Variants in PPM1L observed in about 807,000 individuals in gnomAD.
The protein encoded by PPM1L is protein phosphatase 1L.
A neutral mutation model predicts 31.4 loss-of-function variants in PPM1L; 13 were observed. That is an observed-to-expected ratio of 0.41 (90% CI 0.27 to 0.66). PPM1L has a LOEUF of 0.66. Among genes scored for constraint, PPM1L ranks in the 30% least tolerant of loss-of-function variants. The pLI is 0.29. For missense variants in PPM1L, 326 were observed against 453.7 expected (o/e 0.72, Z 2.56); for synonymous variants, 184 against 175.4 (o/e 1.05, Z -0.39).
At chr3:160,915,226 C>G in intron 1 of PPM1L, among the ~76,000 whole-genome samples, 1 of 152,104 alleles carries the variant, frequency 6.6e-6, no homozygotes, top group Non-Finnish European at 1.5e-5. Context: ...GATACAAAAT[C>G]AATGTGCAAA....
intron 2 of PPM1L, among the ~76,000 whole-genome samples, chr3:161,048,411 A>C (rs1285455655): frequency 6.6e-6 from 1 of 152,244 alleles, no homozygotes; most frequent in Non-Finnish European, 1.5e-5. Flanking sequence ...AATGGCAATC[A>C]TTAAAAAGTC....
intron 1 of PPM1L, among the ~76,000 whole-genome samples, chr3:160,781,684 A>G (rs1711752187): frequency 6.6e-6 from 1 of 152,232 alleles, no homozygotes; most frequent in Non-Finnish European, 1.5e-5. Flanking sequence ...AATGGACTAC[A>G]GTGTGTTTAC....
intron 1 of PPM1L, among the ~76,000 whole-genome samples, chr3:160,820,349 AT>A (rs1214612607): frequency 6.6e-6 from 1 of 152,132 alleles, no homozygotes; most frequent in Admixed American, 6.6e-5. Flanking sequence ...TTTATTTCAG[AT>A]TTAAAATTTT....
intron 1 of PPM1L, among the ~76,000 whole-genome samples, chr3:160,767,962 C>T (rs1715148968): frequency 6.6e-6 from 1 of 152,092 alleles, no homozygotes; most frequent in South Asian, 2.1e-4. Context: ...AAATAAGTCT[C>T]TTAATGACAC....
intron 1 of PPM1L, among the ~76,000 whole-genome samples, chr3:160,795,850 T>A (rs1712232605): frequency 6.6e-6 from 1 of 152,220 alleles, no homozygotes; most frequent in Admixed American, 6.5e-5. Context: ...TCGTGAAGCC[T>A]CACAGGGCTC....
rs190257135 is a variant in PPM1L at position 160,963,900 on chromosome 3, A to T, written c.574+1990A>T. ...CTGTAGCATGAAACAGTAGAAATAA[A>T]CACAAGATTGAGAGTTAGAGGATCT... On this transcript the variant is annotated intron_variant, in intron 2 of 3. Coordinates refer to ENST00000498165, the MANE Select transcript of PPM1L (RefSeq NM_139245.4). Among the ~76,000 whole-genome samples, 361 of 152,188 alleles carry T rather than the reference A, an allele frequency of 2.4e-3. 1 individual carries two copies. Among genetic ancestry groups the T allele is most frequent in the African/African-American group, 8.4e-3 (350 of 41,554 alleles).
At chr3:160,815,609 T>C (rs1180682351) in intron 1 of PPM1L, among the ~76,000 whole-genome samples, 1 of 152,188 alleles carries the variant, frequency 6.6e-6, no homozygotes, top group Non-Finnish European at 1.5e-5. Flanking sequence ...AGGTTCAAAT[T>C]GTCTATAATG....
At chr3:160,824,847 C>CT (rs934328599) in intron 1 of PPM1L, among the ~76,000 whole-genome samples, 6 of 151,960 alleles carry the variant, frequency 3.9e-5, no homozygotes, top group African/African-American at 1.2e-4. Flanking sequence ...TATGTATGTA[C>CT]TTTTTTAAAG....
chr3:160,961,934 A>AT (rs758883367), intron 2 of PPM1L, 24 bp downstream of exon 2: 58 of 1,510,544 alleles, frequency 3.8e-5, no homozygotes, highest in African/African-American at 1.4e-4. Flanking sequence ...TAAAACACAC[A>AT]TTTTTTTTCC....
intron 2 of PPM1L, among the ~76,000 whole-genome samples, chr3:161,015,906 C>G (rs1309248367): frequency 2.0e-5 from 3 of 152,018 alleles, no homozygotes; most frequent in Admixed American, 2.0e-4. Context: ...CATTGTATGC[C>G]CTTCTGAATG....
chr3:160,829,380 A>G (rs1356178576), intron 1 of PPM1L, among the ~76,000 whole-genome samples: 1 of 152,128 alleles, frequency 6.6e-6, no homozygotes, highest in Admixed American at 6.6e-5. Context: ...TTCTCTGTCC[A>G]CAAATAGCTG....
intron 2 of PPM1L, among the ~76,000 whole-genome samples, chr3:161,037,327 C>T (rs971224089): frequency 6.6e-6 from 1 of 151,324 alleles, no homozygotes; most frequent in Non-Finnish European, 1.5e-5. Flanking sequence ...CTTGGGCAGC[C>T]AGTGGAGAGA....
At chr3:160,911,386 G>T (rs999387656) in intron 1 of PPM1L, among the ~76,000 whole-genome samples, 87 of 152,240 alleles carry the variant, frequency 5.7e-4, no homozygotes, top group Non-Finnish European at 3.1e-4. Context: ...ACTGCCATAG[G>T]TTCTGCAGAG....
chr3:160,820,131 G>C (rs968554015), intron 1 of PPM1L, among the ~76,000 whole-genome samples: 1 of 152,024 alleles, frequency 6.6e-6, no homozygotes, highest in Non-Finnish European at 1.5e-5. Flanking sequence ...GGATGATGAG[G>C]CATAACCTTA....
At chr3:161,012,094 C>G (rs1717914852) in intron 2 of PPM1L, among the ~76,000 whole-genome samples, 1 of 152,178 alleles carries the variant, frequency 6.6e-6, no homozygotes, top group Non-Finnish European at 1.5e-5. Flanking sequence ...CTGTCTTCTG[C>G]CCGTTTTCAA....
intron 1 of PPM1L, among the ~76,000 whole-genome samples, chr3:160,771,899 T>C (rs1382571232): frequency 1.3e-5 from 2 of 151,982 alleles, no homozygotes; most frequent in African/African-American, 4.8e-5. Flanking sequence ...GCTTGAAACC[T>C]TGGAGGATTT....
At chr3:161,047,715 C>T (rs1719130231) in intron 2 of PPM1L, among the ~76,000 whole-genome samples, 1 of 152,316 alleles carries the variant, frequency 6.6e-6, no homozygotes, top group African/African-American at 2.4e-5. Context: ...ACCAAAACAG[C>T]CTGGTATTGA....
intron 2 of PPM1L, among the ~76,000 whole-genome samples, chr3:161,047,363 G>A (rs1391970436): frequency 1.3e-5 from 2 of 152,038 alleles, no homozygotes; most frequent in Admixed American, 6.6e-5. Context: ...AAAATACCTA[G>A]GAATCCAACT....
chr3:160,850,896 C>T (rs1231736172), intron 1 of PPM1L, among the ~76,000 whole-genome samples: 1 of 141,014 alleles, frequency 7.1e-6, no homozygotes, highest in African/African-American at 2.6e-5. Flanking sequence ...GGGGGGGGGT[C>T]ATTATTGTTT....
Sources: gnomAD v4.1 joint callset for allele counts (sites outside exome capture counted in the v4.1 genomes callset) on GRCh38, gnomAD v4.1.1 for gene constraint, MANE v1.5 for transcripts, NCBI Gene and HGNC (gene_info 2026-07-23, HGNC 2026-07-21) for gene names.